Variants in CDK17 observed in about 807,000 individuals in gnomAD.
The protein encoded by CDK17 is cyclin-dependent kinase 17.
CDK17 carries 24 observed loss-of-function variants against 77.6 expected under a neutral mutation model. The observed-to-expected ratio is 0.31, with a 90% CI of 0.22 to 0.44. CDK17 has a LOEUF of 0.44. Among genes scored for constraint, CDK17 ranks in the 20% least tolerant of loss-of-function variants. The pLI is 1.00. For synonymous variants in CDK17, 203 were observed against 210.4 expected (o/e 0.96, Z 0.30); for missense variants, 429 against 622.5 (o/e 0.69, Z 3.31).
At position 96,294,611 on chromosome 12, in the gene CDK17, A is replaced by AAAAAAAAAT. The variant is rs71097274; in HGVS notation, c.997+387_997+388insATTTTTTTT. On this transcript the variant is annotated intron_variant, in intron 10 of 16. Coordinates refer to ENST00000261211, the MANE Select transcript of CDK17 (RefSeq NM_002595.5). ...AAAAAAAAAAAAAAAAAAAAAAAAA[A>AAAAAAAAAT]GATATATTTTGGTGCCACTACTTTG... is the stretch of plus-strand genomic sequence containing the variant. 2.6e-3 allele frequency among the ~76,000 whole-genome samples: 313 copies of AAAAAAAAAT among 121,284 alleles called. 22 individuals carry two copies. The highest frequency in any genetic ancestry group is 0.013 in the South Asian group (51 of 3,822). The allele number at this position is 121,284 out of a possible 152,430, so 79.6% of individuals were successfully genotyped here.
At chr12:96,324,448 T>C (rs1952866180) in intron 2 of CDK17, among the ~76,000 whole-genome samples, 1 of 152,192 alleles carries the variant, frequency 6.6e-6, no homozygotes, top group Non-Finnish European at 1.5e-5. Flanking sequence ...CACTCCTCCA[T>C]TTATTGACTA....
intron 5 of CDK17, 30 bp from the exon 6 acceptor site, chr12:96,300,390 T>C (rs1367305468): frequency 3.1e-6 from 4 of 1,310,468 alleles, no homozygotes; most frequent in South Asian, 1.3e-5. Flanking sequence ...AAATGTAGTA[T>C]TTACTTTTTT....
chr12:96,380,738 T>C (rs1296596781), intron 1 of CDK17, among the ~76,000 whole-genome samples: 7 of 152,190 alleles, frequency 4.6e-5, no homozygotes, highest in Admixed American at 3.9e-4. Context: ...AACAATGATA[T>C]TCTGCCTAAA....
intron 9 of CDK17, among the ~76,000 whole-genome samples, chr12:96,297,009 T>C (rs1287673168): frequency 6.6e-6 from 1 of 152,198 alleles, no homozygotes; most frequent in African/African-American, 2.4e-5. Context: ...CCTGTACATA[T>C]ATTCTATATT....
At chr12:96,363,853 C>T (rs570367043) in intron 1 of CDK17, among the ~76,000 whole-genome samples, 5 of 152,218 alleles carry the variant, frequency 3.3e-5, no homozygotes, top group African/African-American at 1.2e-4. Context: ...TGTCTCAAAA[C>T]AAACAAACAC....
At chr12:96,282,233 G>C (rs1952187671) in intron 15 of CDK17, 1 of 297,898 alleles carries the variant, frequency 3.4e-6, no homozygotes, top group Admixed American at 5.0e-5. Context: ...CCTGTCATCA[G>C]ATGGCATGTT....
chr12:96,377,884 A>T (rs376583143), intron 1 of CDK17, among the ~76,000 whole-genome samples: 1 of 152,010 alleles, frequency 6.6e-6, no homozygotes, highest in Admixed American at 6.6e-5. Flanking sequence ...TAGTAGAGAC[A>T]GGGTTTCACC....
intron 1 of CDK17, among the ~76,000 whole-genome samples, chr12:96,378,683 T>C (rs1214653766): frequency 6.6e-6 from 1 of 152,244 alleles, no homozygotes; most frequent in Non-Finnish European, 1.5e-5. Flanking sequence ...TGTTATTCAT[T>C]TGGCATTGTA....
At chr12:96,341,314 T>TACAC (rs1419704777) in intron 1 of CDK17, among the ~76,000 whole-genome samples, 5 of 66,360 alleles carry the variant, frequency 7.5e-5, no homozygotes, top group South Asian at 1.1e-3. Context: ...ACTTATCATA[T>TACAC]ACATACACAC....
At position 96,337,018 on chromosome 12, in the gene CDK17, C is replaced by T. The variant is rs182752590; in HGVS notation, c.-29-2153G>A. 9.9e-5 allele frequency among the ~76,000 whole-genome samples: 15 copies of T among 152,128 alleles called. 1 individual carries two copies. Among genetic ancestry groups the T allele is most frequent in the South Asian group, 4.2e-4 (2 of 4,816 alleles). On this transcript the variant is annotated intron_variant, in intron 1 of 16. Transcript: ENST00000261211. ...GTGAGTTATCATATGCATATGTATACGGAAAAAACGTAGAGCCTCCAGATG... is the reference window on the plus strand; with the variant it reads ...GTGAGTTATCATATGCATATGTATATGGAAAAAACGTAGAGCCTCCAGATG...
intron 1 of CDK17, among the ~76,000 whole-genome samples, chr12:96,398,168 A>G (rs1049276019): frequency 4.6e-5 from 7 of 152,016 alleles, no homozygotes; most frequent in African/African-American, 1.7e-4. Flanking sequence ...TCAAACTGTT[A>G]GTGCTTCTGG....
chr12:96,294,187 T>G (rs1404092765), intron 10 of CDK17, among the ~76,000 whole-genome samples: 1 of 152,208 alleles, frequency 6.6e-6, no homozygotes, highest in Non-Finnish European at 1.5e-5. Context: ...ACATAAAATA[T>G]TAAAAAGAAA....
At chr12:96,356,441 T>C (rs1953395617) in intron 1 of CDK17, among the ~76,000 whole-genome samples, 1 of 152,142 alleles carries the variant, frequency 6.6e-6, no homozygotes, top group Non-Finnish European at 1.5e-5. Context: ...GACTTACAGG[T>C]ATGCACCATC....
At chr12:96,397,958 G>GAGC (rs2137256988) in intron 1 of CDK17, among the ~76,000 whole-genome samples, 1 of 152,274 alleles carries the variant, frequency 6.6e-6, no homozygotes, top group East Asian at 1.9e-4. Flanking sequence ...TAACGGCAGT[G>GAGC]AGCAGCAAGC....
chr12:96,351,449 C>T (rs575329917), intron 1 of CDK17, among the ~76,000 whole-genome samples: 13 of 152,160 alleles, frequency 8.5e-5, no homozygotes, highest in Admixed American at 3.3e-4. Context: ...GTGGCATATA[C>T]ATACGATGCC....
At chr12:96,330,294 C>CAA (rs925118380) in intron 2 of CDK17, among the ~76,000 whole-genome samples, 21 of 134,990 alleles carry the variant, frequency 1.6e-4, no homozygotes, top group Non-Finnish European at 3.4e-4. Context: ...GCAGTGACAG[C>CAA]AAAAAAAAAA....
chr12:96,350,085 C>T (rs1953287760), intron 1 of CDK17, among the ~76,000 whole-genome samples: 1 of 152,016 alleles, frequency 6.6e-6, no homozygotes, highest in Non-Finnish European at 1.5e-5. Flanking sequence ...GACTTATATG[C>T]TGAAAATTAC....
chr12:96,397,720 T>G (rs1954193885), intron 1 of CDK17, among the ~76,000 whole-genome samples: 1 of 152,196 alleles, frequency 6.6e-6, no homozygotes, highest in Non-Finnish European at 1.5e-5. Flanking sequence ...CACTGAAGGT[T>G]CAATTTTCTA....
intron 2 of CDK17, among the ~76,000 whole-genome samples, chr12:96,330,384 TATAAC>T (rs1471568970): frequency 6.6e-6 from 1 of 152,210 alleles, no homozygotes; most frequent in East Asian, 1.9e-4. Context: ...ATGAAATTCT[TATAAC>T]ATTAACCATT....
Sources: gnomAD v4.1 joint callset for allele counts (sites outside exome capture counted in the v4.1 genomes callset) on GRCh38, gnomAD v4.1.1 for gene constraint, MANE v1.5 for transcripts, NCBI Gene and HGNC (gene_info 2026-07-23, HGNC 2026-07-21) for gene names.